The following TBPL2 variants were observed in gnomAD, a reference collection of about 807,000 sequenced individuals.
TBPL2 encodes TATA box-binding protein-like 2.
TBPL2 carries 40 observed loss-of-function variants against 38.2 expected under a neutral mutation model. That is an observed-to-expected ratio of 1.05 (90% CI 0.81 to 1.36). The LOEUF (loss-of-function observed/expected upper bound fraction) is 1.36, where lower values mean the gene tolerates loss of function less well. TBPL2 is among the 40% of genes most tolerant of loss of function. The pLI is 0.00. For missense variants in TBPL2, 461 were observed against 456.7 expected (o/e 1.01, Z -0.09); for synonymous variants, 169 against 171.7 (o/e 0.98, Z 0.12).
rs146516674 is a variant in TBPL2, at chr14:55,437,611, T to C, written c.151-593A>G. Among the ~76,000 whole-genome samples the C allele has an allele frequency of 4.5e-3, 680 of 152,368 alleles. 5 individuals are homozygous for C. The highest frequency in any genetic ancestry group is 0.016 in the African/African-American group (653 of 41,580). ...CTCTAGTAAGTTGCCACTCTCTAAG[T>C]CCAATTTTGCAATAGAGGCAATTGA... On this transcript the variant is annotated intron_variant, in intron 1 of 6. Transcript: ENST00000247219.
intron 6 of TBPL2, among the ~76,000 whole-genome samples, chr14:55,422,177 T>C (rs1401517571): frequency 2.0e-5 from 3 of 152,304 alleles, no homozygotes; most frequent in East Asian, 1.9e-4. Context: ...TGAGAAGATA[T>C]GTAGCGTTAA....
intron 4 of TBPL2, among the ~76,000 whole-genome samples, chr14:55,432,282 G>T (rs1250956056): frequency 6.6e-6 from 1 of 150,458 alleles, no homozygotes; most frequent in Non-Finnish European, 1.5e-5. Context: ...GCCTGGTGGT[G>T]CATACCTGTG....
chr14:55,437,818 G>C (rs713474), intron 1 of TBPL2, among the ~76,000 whole-genome samples: 10,306 of 152,274 alleles, frequency 0.068, 387 homozygotes, highest in Non-Finnish European at 0.088. Context: ...AAGACCCATG[G>C]TTATTCCTTC....
intron 6 of TBPL2, among the ~76,000 whole-genome samples, chr14:55,419,318 C>G (rs947079435): frequency 6.6e-6 from 1 of 152,222 alleles, no homozygotes; most frequent in Non-Finnish European, 1.5e-5. Flanking sequence ...TAACCAGACC[C>G]CATGTGAAAG....
chr14:55,438,493 C>T (rs1038985737), intron 1 of TBPL2, among the ~76,000 whole-genome samples: 1 of 152,122 alleles, frequency 6.6e-6, no homozygotes, highest in African/African-American at 2.4e-5. Context: ...TCACCTGTCC[C>T]AGATGTAAAG....
At chr14:55,414,601 A>G in intron 6 of TBPL2, 146 bp from the exon 7 acceptor site, 1 of 622,372 alleles carries the variant, frequency 1.6e-6, no homozygotes, top group Non-Finnish European at 2.6e-6. Context: ...ATTCCGGGTA[A>G]ATAATTTGGC....
intron 4 of TBPL2, among the ~76,000 whole-genome samples, chr14:55,433,309 CTTTTTTTTT>C (rs71131269): frequency 2.5e-4 from 30 of 119,888 alleles, no homozygotes; most frequent in African/African-American, 3.7e-4. Context: ...TTAGATTTCT[CTTTTTTTTT>C]TTTTTTTTTT....
At chr14:55,429,788 A>T (rs1594792578) in intron 4 of TBPL2, among the ~76,000 whole-genome samples, 1 of 150,720 alleles carries the variant, frequency 6.6e-6, no homozygotes, top group East Asian at 1.9e-4. Context: ...AAAAAAAAAA[A>T]AGAAAACAAC....
chr14:55,436,807 G>T (rs753172808), exon 2 of TBPL2: 1 of 1,614,238 alleles, frequency 6.2e-7, no homozygotes, highest in East Asian at 2.2e-5. Context: ...ATTTTCTTCA[G>T]TTTCGTGTTT....
intron 6 of TBPL2, among the ~76,000 whole-genome samples, chr14:55,419,195 C>T (rs900195913): frequency 6.6e-6 from 1 of 152,202 alleles, no homozygotes; most frequent in African/African-American, 2.4e-5. Context: ...GAGCCTGGCT[C>T]CTCACATGCC....
chr14:55,440,532 G>A (rs1268683928), exon 1 of TBPL2: 3 of 1,604,948 alleles, frequency 1.9e-6, no homozygotes, highest in Non-Finnish European at 2.5e-6. Flanking sequence ...CTCCGGCCAG[G>A]GCGCAGAGGC....
At chr14:55,425,285 T>G (rs1240003022) in intron 5 of TBPL2, among the ~76,000 whole-genome samples, 2 of 152,080 alleles carry the variant, frequency 1.3e-5, no homozygotes, top group East Asian at 3.9e-4. Flanking sequence ...TTCCCAACAC[T>G]GGGGAGACCA....
intron 1 of TBPL2, among the ~76,000 whole-genome samples, chr14:55,439,930 CAAAAAAAA>C (rs71131272): frequency 5.1e-5 from 2 of 39,180 alleles, no homozygotes; most frequent in Non-Finnish European, 8.9e-5. Context: ...GACTCTGTCT[CAAAAAAAA>C]AAAAAAAAAA....
intron 4 of TBPL2, 59 bp from the exon 5 acceptor site, chr14:55,429,033 G>A: frequency 6.3e-7 from 1 of 1,579,114 alleles, no homozygotes; most frequent in East Asian, 2.2e-5. Flanking sequence ...TCAACTACTG[G>A]TGTTGTATTG....
At chr14:55,434,311 C>A (rs975034696) in intron 3 of TBPL2, among the ~76,000 whole-genome samples, 4 of 152,168 alleles carry the variant, frequency 2.6e-5, no homozygotes, top group African/African-American at 9.7e-5. Context: ...AGACCAGCAG[C>A]ATCAGCAAGC....
At chr14:55,435,208 A>G (rs17743595) in intron 3 of TBPL2, among the ~76,000 whole-genome samples, 10,287 of 152,178 alleles carry the variant, frequency 0.068, 389 homozygotes, top group Non-Finnish European at 0.088. Context: ...CTGAGACAAC[A>G]TTTGGCAAAA....
intron 6 of TBPL2, among the ~76,000 whole-genome samples, chr14:55,414,954 G>C (rs1885646819): frequency 6.6e-6 from 1 of 152,184 alleles, no homozygotes; most frequent in Non-Finnish European, 1.5e-5. Context: ...GGGATTATTA[G>C]AGGGGAAAAC....
At chr14:55,436,645 G>C in exon 2 of TBPL2, 1 of 1,614,232 alleles carries the variant, frequency 6.2e-7, no homozygotes, top group Admixed American at 1.7e-5. Context: ...CAAGGAGTCG[G>C]AGTTTGGTTT....
chr14:55,427,880 CTTTTTTTT>C (rs551473740), intron 5 of TBPL2, among the ~76,000 whole-genome samples: 1 of 130,896 alleles, frequency 7.6e-6, no homozygotes, highest in East Asian at 2.2e-4. Flanking sequence ...GTTAGGATTG[CTTTTTTTT>C]TTTTTTTTTT....
Sources: allele counts gnomAD v4.1 joint callset (sites outside exome capture counted in the v4.1 genomes callset), GRCh38; gene constraint gnomAD v4.1.1; transcripts MANE v1.5; gene names NCBI Gene and HGNC (gene_info 2026-07-23, HGNC 2026-07-21).